Variants in GABRG3 observed in about 807,000 individuals in gnomAD.
The protein encoded by GABRG3 is gamma-aminobutyric acid receptor subunit gamma-3.
A neutral mutation model predicts 48.8 loss-of-function variants in GABRG3; 25 were observed. The ratio of observed to expected loss-of-function variants is 0.51; its 90% CI spans 0.37 to 0.72. GABRG3 has a LOEUF of 0.72. Ranked by LOEUF, GABRG3 falls within the 30% of genes least tolerant of loss-of-function variation. The pLI is 0.00. For missense variants in GABRG3, 394 were observed against 577.9 expected (o/e 0.68, Z 3.26); for synonymous variants, 227 against 217.6 (o/e 1.04, Z -0.38).
chr15:26,986,877 T>A (rs931142265), intron 2 of GABRG3, among the ~76,000 whole-genome samples: 1 of 152,186 alleles, frequency 6.6e-6, no homozygotes, highest in Non-Finnish European at 1.5e-5. Flanking sequence ...TGGACTCACA[T>A]AATGAGTTAT....
Position 27,540,529 on chromosome 15 carries a change from C to T in GABRG3, c.*7648C>T, listed in dbSNP as rs993630262. 6.6e-6 allele frequency: 1 copy of T among 152,094 alleles called. No individual in the cohort carries two copies. The highest frequency in any genetic ancestry group is 1.5e-5 in the Non-Finnish European group (1 of 68,008). The allele number at this position is 152,094 out of a possible 1,614,324, so 9.4% of individuals were successfully genotyped here. ...AAATATATTCATGAAATGTACAGTG[C>T]TTACTATTATATGATCTCTGTTTAG... On this transcript the variant is annotated 3_prime_UTR_variant, in exon 10 of 10. Coordinates refer to ENST00000615808, the MANE Select transcript of GABRG3 (RefSeq NM_033223.5).
intron 3 of GABRG3, among the ~76,000 whole-genome samples, chr15:27,030,390 G>A (rs895467445): frequency 2.0e-5 from 3 of 152,296 alleles, no homozygotes; most frequent in Middle Eastern, 3.4e-3. Context: ...TGGAAATGAA[G>A]TTGTGTCTCA....
rs140777670 is a variant in GABRG3 at position 27,254,335 on chromosome 15, AG to A, written c.271-72473del. Among the ~76,000 whole-genome samples the A allele has an allele frequency of 7.5e-4, 114 of 152,268 alleles. 2 individuals carry two copies. In the East Asian group the frequency reaches 0.012, roughly 17 times the overall value. The stretch of plus-strand genomic sequence containing the variant: ...GAAGGCGCAGGGGAGAGATGCCGTC[AG>A]ATGGAGCATGTCACACAGGAGGGTT... On this transcript the variant is annotated intron_variant, in intron 3 of 9. Transcript: ENST00000615808.
At chr15:27,347,923 G>C (rs758362607) in intron 5 of GABRG3, among the ~76,000 whole-genome samples, 1 of 152,004 alleles carries the variant, frequency 6.6e-6, no homozygotes, top group Non-Finnish European at 1.5e-5. Flanking sequence ...TTGTCTGATG[G>C]GTTCAAGAAA....
chr15:27,384,494 C>A (rs542266559), intron 5 of GABRG3, among the ~76,000 whole-genome samples: 1 of 152,246 alleles, frequency 6.6e-6, no homozygotes, highest in East Asian at 1.9e-4. Flanking sequence ...GAAATACACA[C>A]GCACACACAC....
chr15:27,342,587 A>G (rs1595690513), intron 5 of GABRG3, among the ~76,000 whole-genome samples: 1 of 152,252 alleles, frequency 6.6e-6, no homozygotes, highest in African/African-American at 2.4e-5. Flanking sequence ...AAGGGTTCGC[A>G]GATTCTCAGG....
intron 3 of GABRG3, among the ~76,000 whole-genome samples, chr15:27,239,923 G>A (rs1275301314): frequency 6.6e-6 from 1 of 152,120 alleles, no homozygotes; most frequent in Non-Finnish European, 1.5e-5. Context: ...TGGACCTCCA[G>A]CTAATTGTAT....
rs141988309 is a variant in GABRG3 at position 27,232,905 on chromosome 15, A to G, written c.271-93904A>G. On this transcript the variant is annotated intron_variant, in intron 3 of 9. Coordinates refer to ENST00000615808, the MANE Select transcript of GABRG3 (RefSeq NM_033223.5). ...ACCTGTCCAGAGGAAATGAGCTGGG[A>G]GAGCCACTTACCTCCTCATTCCCTC... 1.9e-3 allele frequency among the ~76,000 whole-genome samples: 290 copies of G among 152,366 alleles called. 2 individuals carry two copies. The highest frequency in any genetic ancestry group is 6.5e-3 in the African/African-American group (269 of 41,580).
At chr15:27,049,421 T>C (rs955171002) in intron 3 of GABRG3, among the ~76,000 whole-genome samples, 1 of 152,214 alleles carries the variant, frequency 6.6e-6, no homozygotes, top group East Asian at 1.9e-4. Flanking sequence ...TTTGTATTAG[T>C]TTCTTCCAGT....
At chr15:27,373,822 A>G (rs1240337715) in intron 5 of GABRG3, among the ~76,000 whole-genome samples, 2 of 152,164 alleles carry the variant, frequency 1.3e-5, no homozygotes, top group Non-Finnish European at 2.9e-5. Context: ...TGAAAACACC[A>G]ATAAAGGAGA....
chr15:27,062,323 G>A (rs1896661020), intron 3 of GABRG3, among the ~76,000 whole-genome samples: 1 of 151,646 alleles, frequency 6.6e-6, no homozygotes, highest in Non-Finnish European at 1.5e-5. Context: ...TCGGCTGGGT[G>A]TGGTGGCTCA....
chr15:27,224,172 A>G (rs1389135671), intron 3 of GABRG3, among the ~76,000 whole-genome samples: 1 of 152,188 alleles, frequency 6.6e-6, no homozygotes, highest in African/African-American at 2.4e-5. Flanking sequence ...TGCTGAGGCC[A>G]GGGGTTTGGG....
At chr15:27,507,364 C>T (rs1890784893) in intron 6 of GABRG3, among the ~76,000 whole-genome samples, 2 of 152,024 alleles carry the variant, frequency 1.3e-5, no homozygotes, top group South Asian at 2.1e-4. Context: ...ATTAGCCAGG[C>T]GTGGTGGTGT....
intron 5 of GABRG3, among the ~76,000 whole-genome samples, chr15:27,400,995 T>C (rs1230024343): frequency 6.6e-6 from 1 of 152,240 alleles, no homozygotes; most frequent in African/African-American, 2.4e-5. Context: ...TGAACCTAGA[T>C]GTAAAGAAAA....
intron 3 of GABRG3, among the ~76,000 whole-genome samples, chr15:27,122,779 A>G (rs562301153): frequency 3.1e-4 from 47 of 152,324 alleles, no homozygotes; most frequent in African/African-American, 1.1e-3. Flanking sequence ...TCCACAAAGT[A>G]GAGAATTAGG....
At chr15:26,992,444 TAA>T (rs895102106) in intron 2 of GABRG3, among the ~76,000 whole-genome samples, 1 of 152,232 alleles carries the variant, frequency 6.6e-6, no homozygotes, top group Admixed American at 6.5e-5. Context: ...GTAGTGATAT[TAA>T]ACTTTATCAA....
At chr15:27,318,320 T>C (rs973508488) in intron 3 of GABRG3, among the ~76,000 whole-genome samples, 6 of 152,204 alleles carry the variant, frequency 3.9e-5, no homozygotes, top group Admixed American at 6.5e-5. Flanking sequence ...TGTAAAACTA[T>C]GTCCCAGAGA....
At chr15:27,350,746 C>A (rs1384575616) in intron 5 of GABRG3, among the ~76,000 whole-genome samples, 1 of 152,136 alleles carries the variant, frequency 6.6e-6, no homozygotes, top group African/African-American at 2.4e-5. Flanking sequence ...CAGCCCCAGA[C>A]CTGGCAGACA....
chr15:27,334,202 A>G (rs1893890086), intron 5 of GABRG3, among the ~76,000 whole-genome samples: 1 of 152,218 alleles, frequency 6.6e-6, no homozygotes, highest in Non-Finnish European at 1.5e-5. Flanking sequence ...AGTCAACTAA[A>G]AAATTAATGA....
Sources: allele counts gnomAD v4.1 joint callset (sites outside exome capture counted in the v4.1 genomes callset), GRCh38; gene constraint gnomAD v4.1.1; transcripts MANE v1.5; gene names NCBI Gene and HGNC (gene_info 2026-07-23, HGNC 2026-07-21).